IQCM: variants seen among roughly 807,000 people sequenced by gnomAD.
IQCM encodes IQ motif containing M.
Under a neutral mutation model 57.6 loss-of-function variants are expected in IQCM, and 45 were observed. That is an observed-to-expected ratio of 0.78 (90% CI 0.62 to 1.00). The LOEUF is 1.00. Ranked by LOEUF, IQCM falls within the 50% of genes least tolerant of loss-of-function variation. IQCM has a pLI of 0.00. For missense variants in IQCM, 468 were observed against 511.6 expected, an observed-to-expected ratio of 0.91 and a Z score of 0.82; for synonymous variants, 148 against 158.9, an observed-to-expected ratio of 0.93 and a Z score of 0.51.
At chr4:149,507,431 A>T (rs1743940671) in intron 12 of IQCM, among the ~76,000 whole-genome samples, 1 of 152,212 alleles carries the variant, frequency 6.6e-6, no homozygotes, top group African/African-American at 2.4e-5. Context: ...AGCGATATGG[A>T]AAATAAAGTC....
chr4:149,678,905 A>C (rs1761971474), intron 7 of IQCM, among the ~76,000 whole-genome samples: 1 of 151,762 alleles, frequency 6.6e-6, no homozygotes, highest in Non-Finnish European at 1.5e-5. Flanking sequence ...GATATGAAGA[A>C]AGAGAAACCT....
intron 13 of IQCM, among the ~76,000 whole-genome samples, chr4:149,383,000 A>AG (rs1731182565): frequency 1.3e-5 from 2 of 151,886 alleles, no homozygotes; most frequent in Admixed American, 1.3e-4. Flanking sequence ...AGCAAAAAAA[A>AG]AAAAAAAAGA....
intron 13 of IQCM, among the ~76,000 whole-genome samples, chr4:149,370,889 T>C (rs55735444): frequency 6.6e-6 from 1 of 151,976 alleles, no homozygotes; most frequent in South Asian, 2.1e-4. Flanking sequence ...GTTAATTCTT[T>C]ATAGATAAAT....
At chr4:149,725,883 C>T (rs1339740505) in intron 5 of IQCM, among the ~76,000 whole-genome samples, 1 of 152,044 alleles carries the variant, frequency 6.6e-6, no homozygotes, top group Admixed American at 6.6e-5. Context: ...TTCTTGCTAT[C>T]TTCTGTACAT....
At chr4:149,473,146 T>G (rs1739772519) in intron 12 of IQCM, among the ~76,000 whole-genome samples, 1 of 152,074 alleles carries the variant, frequency 6.6e-6, no homozygotes, top group Admixed American at 6.5e-5. Context: ...ACTCAAGAGC[T>G]TCTGCACAGC....
chr4:149,494,018 C>T (rs1742385677), intron 12 of IQCM, among the ~76,000 whole-genome samples: 1 of 151,524 alleles, frequency 6.6e-6, no homozygotes, highest in African/African-American at 2.4e-5. Context: ...GCATGTGGCT[C>T]TGTCAAGATA....
chr4:149,679,102 T>A (rs1363861859), intron 7 of IQCM, among the ~76,000 whole-genome samples: 1 of 151,700 alleles, frequency 6.6e-6, no homozygotes, highest in Non-Finnish European at 1.5e-5. Flanking sequence ...GTAGCACTAT[T>A]CACAACAGAC....
chr4:149,625,631 G>A lies in IQCM; in HGVS notation c.566-4387C>T, dbSNP rs148192835. 1.5e-3 allele frequency among the ~76,000 whole-genome samples: 221 copies of A among 152,258 alleles called. 2 individuals are homozygous for A. The highest frequency in any genetic ancestry group is 4.9e-3 in the African/African-American group (204 of 41,554). ...GATTTTTCTTGGCTTCCAGATATGG[G>A]GCAGGACATTTGTCACAAGAGAGTC... is the stretch of plus-strand genomic sequence containing the variant. On this transcript the variant is annotated intron_variant, in intron 7 of 13. Transcript: ENST00000636793.
intron 2 of IQCM, among the ~76,000 whole-genome samples, chr4:149,799,186 A>G (rs183206761): frequency 1.1e-4 from 17 of 152,072 alleles, no homozygotes; most frequent in African/African-American, 4.1e-4. Context: ...ATCAATAAAA[A>G]GAGGAATTTT....
At chr4:149,465,407 A>G (rs776840563) in intron 12 of IQCM, among the ~76,000 whole-genome samples, 3 of 152,190 alleles carry the variant, frequency 2.0e-5, no homozygotes, top group Non-Finnish European at 4.4e-5. Flanking sequence ...GGACAAAACT[A>G]GTAACTAGGG....
intron 5 of IQCM, among the ~76,000 whole-genome samples, chr4:149,732,832 T>C (rs1429489436): frequency 6.6e-6 from 1 of 152,214 alleles, no homozygotes; most frequent in African/African-American, 2.4e-5. Context: ...GGGAAAACTC[T>C]ATAGCTTCCA....
chr4:149,495,529 T>C (rs1393488313), intron 12 of IQCM, among the ~76,000 whole-genome samples: 2 of 152,132 alleles, frequency 1.3e-5, no homozygotes, highest in African/African-American at 2.4e-5. Flanking sequence ...AAAACACATG[T>C]GCACCTGCAC....
At chr4:149,518,913 A>T (rs1745285842) in intron 12 of IQCM, among the ~76,000 whole-genome samples, 1 of 152,222 alleles carries the variant, frequency 6.6e-6, no homozygotes, top group Non-Finnish European at 1.5e-5. Flanking sequence ...ACACTTAGGG[A>T]AGAGGTAAAA....
At chr4:149,718,623 G>A (rs1052120537) in intron 5 of IQCM, among the ~76,000 whole-genome samples, 3 of 152,136 alleles carry the variant, frequency 2.0e-5, no homozygotes, top group South Asian at 2.1e-4. Context: ...GACTTAAAAC[G>A]ACGATTTCCT....
chr4:149,727,077 C>A (rs541915179), intron 5 of IQCM, among the ~76,000 whole-genome samples: 2 of 152,024 alleles, frequency 1.3e-5, no homozygotes, highest in East Asian at 3.9e-4. Flanking sequence ...ATTAATTTTA[C>A]CTGTTTCTTT....
Position 149,668,326 on chromosome 4 carries a change from C to T in IQCM, c.565+13792G>A, listed in dbSNP as rs369017405. Among the ~76,000 whole-genome samples, 69 of 152,186 alleles carry T rather than the reference C, an allele frequency of 4.5e-4. No individual in the cohort carries two copies. The East Asian group carries it at 4.6e-3, about 10-fold the overall frequency. ...CCCAGAATTTCATATCCAGCCAAAC[C>T]GTGCTTCATAAGTGAAGGAGAAATA... is the stretch of plus-strand genomic sequence containing the variant. On this transcript the variant is annotated intron_variant, in intron 7 of 13. Coordinates refer to ENST00000636793, the MANE Select transcript of IQCM (RefSeq NM_001363507.2).
At chr4:149,727,812 G>A (rs1766087598) in intron 5 of IQCM, among the ~76,000 whole-genome samples, 1 of 152,136 alleles carries the variant, frequency 6.6e-6, no homozygotes. Context: ...TAAGAGATGA[G>A]CCCAAGAGGA....
At chr4:149,745,869 G>A (rs1767876176) in intron 2 of IQCM, among the ~76,000 whole-genome samples, 1 of 152,070 alleles carries the variant, frequency 6.6e-6, no homozygotes, top group Non-Finnish European at 1.5e-5. Flanking sequence ...CTCTACTGGA[G>A]GCTGAGGTGG....
At chr4:149,788,175 A>C (rs1278169385) in intron 2 of IQCM, among the ~76,000 whole-genome samples, 1 of 152,140 alleles carries the variant, frequency 6.6e-6, no homozygotes, top group East Asian at 1.9e-4. Context: ...CTCTACTAAA[A>C]ATACAAAAAT....
Sources: gnomAD v4.1 joint callset for allele counts (sites outside exome capture counted in the v4.1 genomes callset) on GRCh38, gnomAD v4.1.1 for gene constraint, MANE v1.5 for transcripts, NCBI Gene and HGNC (gene_info 2026-07-23, HGNC 2026-07-21) for gene names.